FAM135B: variants seen among roughly 807,000 people sequenced by gnomAD.
FAM135B encodes the protein family with sequence similarity 135 member B, also known as protein FAM135B.
A neutral mutation model predicts 127.7 loss-of-function variants in FAM135B; 43 were observed. That is an observed-to-expected ratio of 0.34 (90% CI 0.26 to 0.43). The LOEUF (loss-of-function observed/expected upper bound fraction) is 0.43, where lower values mean the gene tolerates loss of function less well. FAM135B is among the 20% of genes least tolerant of loss of function. The pLI is 1.00. For synonymous variants in FAM135B, 670 were observed against 665.1 expected, an observed-to-expected ratio of 1.01 and a Z score of -0.11; for missense variants, 1,558 against 1,725.6, an observed-to-expected ratio of 0.90 and a Z score of 1.72.
rs577172065 is a variant in FAM135B, at chr8:138,130,337, T to C, written c.*2256A>G. 2.6e-5 allele frequency: 4 copies of C among 152,198 alleles called. No homozygotes were observed. In the South Asian group the frequency reaches 6.2e-4, roughly 24 times the overall value. 9.4% of individuals were successfully genotyped at this position (152,198 alleles called of 1,614,324 possible). A position where few individuals can be genotyped will look rare whatever the true frequency, so the allele number is the denominator to read the frequency against. On this transcript the variant is annotated 3_prime_UTR_variant, in exon 20 of 20. Coordinates refer to ENST00000395297, the MANE Select transcript of FAM135B (RefSeq NM_015912.4). ...ATTTACAATATAGAGATGTACTTTC[T>C]ACACAATTATAATAGATGCTCAGAG...
chr8:138,278,226 G>T (rs10093441), intron 3 of FAM135B, among the ~76,000 whole-genome samples: 151,733 of 151,736 alleles, frequency 1, 75,865 homozygotes, highest in Middle Eastern at 1. Flanking sequence ...TCATTGACAC[G>T]AGAGCTAACT....
intron 4 of FAM135B, among the ~76,000 whole-genome samples, chr8:138,257,854 C>T (rs909013478): frequency 1.3e-5 from 2 of 149,174 alleles, no homozygotes; most frequent in African/African-American, 5.0e-5. Flanking sequence ...ATTTGTATTA[C>T]GGGTTTTCAG....
intron 7 of FAM135B, among the ~76,000 whole-genome samples, chr8:138,202,649 C>T (rs544463600): frequency 1.1e-4 from 16 of 152,156 alleles, no homozygotes; most frequent in Non-Finnish European, 1.5e-4. Context: ...AGGGCACAGT[C>T]CTGAAATCAG....
At chr8:138,206,247 C>T (rs1817564080) in intron 7 of FAM135B, among the ~76,000 whole-genome samples, 1 of 152,134 alleles carries the variant, frequency 6.6e-6, no homozygotes, top group Non-Finnish European at 1.5e-5. Flanking sequence ...CTCTCATCCC[C>T]TCCACCTACA....
At chr8:138,415,505 G>T (rs2131425297) in intron 1 of FAM135B, among the ~76,000 whole-genome samples, 1 of 152,280 alleles carries the variant, frequency 6.6e-6, no homozygotes, top group East Asian at 1.9e-4. Context: ...TTAGAGTTTG[G>T]AACCTGAGAC....
At chr8:138,376,949 T>C (rs1226184047) in intron 1 of FAM135B, among the ~76,000 whole-genome samples, 1 of 152,214 alleles carries the variant, frequency 6.6e-6, no homozygotes, top group Non-Finnish European at 1.5e-5. Context: ...TTCATCACAA[T>C]ATACCAAAAT....
At chr8:138,207,646 G>T (rs1204369704) in intron 7 of FAM135B, among the ~76,000 whole-genome samples, 1 of 152,196 alleles carries the variant, frequency 6.6e-6, no homozygotes, top group African/African-American at 2.4e-5. Flanking sequence ...GATGTCATAG[G>T]AAGGCACATA....
chr8:138,353,412 T>C (rs1332822642), intron 2 of FAM135B, among the ~76,000 whole-genome samples: 1 of 152,164 alleles, frequency 6.6e-6, no homozygotes, highest in Non-Finnish European at 1.5e-5. Flanking sequence ...CTCTGCAACA[T>C]TTAGCCTTGG....
intron 7 of FAM135B, among the ~76,000 whole-genome samples, chr8:138,198,332 T>A (rs1816828342): frequency 6.6e-6 from 1 of 152,220 alleles, no homozygotes; most frequent in Non-Finnish European, 1.5e-5. Flanking sequence ...CTTTCCTTTA[T>A]AAATTACCCA....
At chr8:138,345,743 G>C (rs1028489895) in intron 2 of FAM135B, among the ~76,000 whole-genome samples, 3 of 152,196 alleles carry the variant, frequency 2.0e-5, no homozygotes, top group African/African-American at 7.2e-5. Flanking sequence ...ATGACTTTCA[G>C]TCATTCCTGA....
At chr8:138,324,902 C>T (rs562371715) in intron 2 of FAM135B, among the ~76,000 whole-genome samples, 4 of 152,138 alleles carry the variant, frequency 2.6e-5, no homozygotes, top group Non-Finnish European at 5.9e-5. Context: ...CATGTAACTG[C>T]TTAGCTAATG....
intron 3 of FAM135B, among the ~76,000 whole-genome samples, chr8:138,271,693 T>C (rs989497498): frequency 3.9e-5 from 6 of 152,216 alleles, no homozygotes; most frequent in Non-Finnish European, 7.3e-5. Flanking sequence ...AAATTCTGAT[T>C]GAGGCGGCAA....
chr8:138,269,310 C>T (rs1823185766), intron 3 of FAM135B, among the ~76,000 whole-genome samples: 1 of 152,228 alleles, frequency 6.6e-6, no homozygotes, highest in African/African-American at 2.4e-5. Flanking sequence ...ATTCTTCTGA[C>T]AGGGACTCTA....
intron 2 of FAM135B, among the ~76,000 whole-genome samples, chr8:138,357,528 T>G (rs1214570520): frequency 6.6e-6 from 1 of 152,144 alleles, no homozygotes; most frequent in Non-Finnish European, 1.5e-5. Flanking sequence ...CTTTTTCTTA[T>G]TTCCACAGTA....
intron 7 of FAM135B, among the ~76,000 whole-genome samples, chr8:138,211,188 T>C (rs1418117221): frequency 6.6e-6 from 1 of 152,196 alleles, no homozygotes; most frequent in East Asian, 1.9e-4. Flanking sequence ...TATAAGAATA[T>C]TTAATTCTTT....
At position 138,326,938 on chromosome 8, in the gene FAM135B, T is replaced by C. The variant is rs574816795; in HGVS notation, c.78-16018A>G. On this transcript the variant is annotated intron_variant, in intron 2 of 19. Coordinates refer to ENST00000395297, the MANE Select transcript of FAM135B (RefSeq NM_015912.4). ...AATTATGACATTCATATGTTGCTAA[T>C]GGAAAGTAGACACAGAAAAGGGGAA... 3.3e-5 allele frequency among the ~76,000 whole-genome samples: 5 copies of C among 152,254 alleles called. No individual in the cohort carries two copies. In the South Asian group the frequency reaches 1.0e-3, roughly 32 times the overall value.
At position 138,205,712 on chromosome 8, in the gene FAM135B, T is replaced by C. The variant is rs149627973; in HGVS notation, c.670-8043A>G. Among the ~76,000 whole-genome samples, 453 of 152,266 alleles carry C rather than the reference T, an allele frequency of 3.0e-3. 3 individuals carry two copies. Among genetic ancestry groups the C allele is most frequent in the Non-Finnish European group, 4.8e-3 (327 of 68,006 alleles). On this transcript the variant is annotated intron_variant, in intron 7 of 19. Transcript: ENST00000395297. ...AATATTTCTCACCAAAAATTTAAAA[T>C]ATAAAATTCAAAAATGACTTTTTCT...
At chr8:138,452,053 T>A (rs973441013) in intron 1 of FAM135B, among the ~76,000 whole-genome samples, 10 of 149,874 alleles carry the variant, frequency 6.7e-5, no homozygotes, top group African/African-American at 2.5e-4. Context: ...TTTGTAGGCA[T>A]AAAAGTCACA....
intron 3 of FAM135B, chr8:138,309,182 G>A (rs1826479234): frequency 3.3e-6 from 1 of 301,310 alleles, no homozygotes; most frequent in Middle Eastern, 1.1e-3. Context: ...TTCACGCAGG[G>A]CAGGGTCCAA....
Sources: allele counts gnomAD v4.1 joint callset (sites outside exome capture counted in the v4.1 genomes callset), GRCh38; gene constraint gnomAD v4.1.1; transcripts MANE v1.5; gene names NCBI Gene and HGNC (gene_info 2026-07-23, HGNC 2026-07-21).